PDE4D: variants seen among roughly 807,000 people sequenced by gnomAD.
The protein encoded by PDE4D is 3',5'-cyclic-AMP phosphodiesterase 4D.
Under a neutral mutation model 87.4 loss-of-function variants are expected in PDE4D, and 24 were observed. That is an observed-to-expected ratio of 0.27 (90% CI 0.20 to 0.39). The LOEUF (loss-of-function observed/expected upper bound fraction) is 0.39, where lower values mean the gene tolerates loss of function less well. Ranked by LOEUF, PDE4D falls within the 10% of genes least tolerant of loss-of-function variation. The pLI is 1.00. For missense variants in PDE4D, 714 were observed against 1,041.0 expected, an observed-to-expected ratio of 0.69 and a Z score of 4.32; for synonymous variants, 384 against 383.2, an observed-to-expected ratio of 1.00 and a Z score of -0.02.
intron 1 of PDE4D, among the ~76,000 whole-genome samples, chr5:59,694,386 T>G (rs1435228232): frequency 1.3e-5 from 2 of 152,196 alleles, no homozygotes; most frequent in African/African-American, 4.8e-5. Flanking sequence ...TGTCTGGCAC[T>G]GCGCAGTGAG....
intron 1 of PDE4D, among the ~76,000 whole-genome samples, chr5:59,347,529 C>A (rs766886999): frequency 2.6e-5 from 4 of 152,140 alleles, no homozygotes; most frequent in African/African-American, 9.7e-5. Context: ...TAGGCAGACA[C>A]AGACACATAT....
intron 3 of PDE4D, among the ~76,000 whole-genome samples, chr5:59,902,395 C>T (rs1199722397): frequency 6.6e-6 from 1 of 152,050 alleles, no homozygotes; most frequent in Non-Finnish European, 1.5e-5. Flanking sequence ...AATGTTCATG[C>T]ATAGATCTGT....
At chr5:60,332,691 A>G (rs1757409704) in intron 1 of PDE4D, among the ~76,000 whole-genome samples, 1 of 152,236 alleles carries the variant, frequency 6.6e-6, no homozygotes, top group African/African-American at 2.4e-5. Context: ...TCAAATTTAT[A>G]ACAACAGAAT....
At chr5:60,503,390 A>G (rs1233812546) in intron 1 of PDE4D, among the ~76,000 whole-genome samples, 1 of 152,066 alleles carries the variant, frequency 6.6e-6, no homozygotes, top group African/African-American at 2.4e-5. Flanking sequence ...TTAGCCAACA[A>G]CTGTTCCAAG....
At chr5:59,895,782 A>T (rs1476145581), upstream of PDE4D, among the ~76,000 whole-genome samples, 1 of 152,232 alleles carries the variant, frequency 6.6e-6, no homozygotes, top group Non-Finnish European at 1.5e-5. Context: ...CTAATTTCTC[A>T]TACACTAACA....
At chr5:59,734,291 C>T (rs1023714026) in intron 1 of PDE4D, among the ~76,000 whole-genome samples, 1 of 151,948 alleles carries the variant, frequency 6.6e-6, no homozygotes, top group Admixed American at 6.6e-5. Context: ...TTCACAGCAA[C>T]AGACTGAAAT....
chr5:59,270,870 C>T (rs1220980323), intron 1 of PDE4D, among the ~76,000 whole-genome samples: 2 of 152,134 alleles, frequency 1.3e-5, no homozygotes, highest in Non-Finnish European at 1.5e-5. Flanking sequence ...TGACCTTGCT[C>T]AAGTTATTTC....
At chr5:59,808,428 C>T (rs1767978233) in intron 1 of PDE4D, among the ~76,000 whole-genome samples, 1 of 152,116 alleles carries the variant, frequency 6.6e-6, no homozygotes, top group Admixed American at 6.5e-5. Flanking sequence ...AGTGTTTAAC[C>T]CAGAGCTCTT....
chr5:59,846,445 T>G (rs1346154585), intron 1 of PDE4D, among the ~76,000 whole-genome samples: 2 of 152,092 alleles, frequency 1.3e-5, no homozygotes, highest in East Asian at 3.9e-4. Flanking sequence ...TCCCAAGCCT[T>G]TCCGTAGAAA....
At chr5:59,964,890 G>A (rs1224919968) in intron 3 of PDE4D, among the ~76,000 whole-genome samples, 2 of 151,934 alleles carry the variant, frequency 1.3e-5, no homozygotes, top group Admixed American at 1.3e-4. Context: ...CTGGCTCCAT[G>A]GTATTGCTTA....
In PDE4D at chr5:60,104,690, T is replaced by G. The variant is rs192905794; in HGVS notation, c.42+80867A>C. On this transcript the variant is annotated intron_variant, in intron 2 of 16. Coordinates refer to the PDE4D transcript ENST00000502484. ...CTTCCAGAGGAACCATCAGACAGCA[T>G]CATTTGCGGTTCACGAAAATCCGCT... is the stretch of plus-strand genomic sequence containing the variant. 3.3e-5 allele frequency among the ~76,000 whole-genome samples: 5 copies of G among 152,236 alleles called. No homozygotes were observed. In the East Asian group the frequency reaches 9.6e-4, roughly 29 times the overall value.
intron 1 of PDE4D, among the ~76,000 whole-genome samples, chr5:59,765,197 T>C (rs113514793): frequency 9.8e-5 from 15 of 152,286 alleles, no homozygotes; most frequent in African/African-American, 3.6e-4. Context: ...CTTGGATCCA[T>C]GGATGATAGT....
At chr5:59,110,395 A>G (rs1772404525) in intron 5 of PDE4D, among the ~76,000 whole-genome samples, 1 of 152,174 alleles carries the variant, frequency 6.6e-6, no homozygotes, top group Non-Finnish European at 1.5e-5. Context: ...GTAACTCCTA[A>G]CCTCCAACTA....
intron 1 of PDE4D, among the ~76,000 whole-genome samples, chr5:59,434,522 T>C (rs1032884562): frequency 1.1e-4 from 16 of 152,096 alleles, no homozygotes; most frequent in African/African-American, 3.9e-4. Flanking sequence ...TCTCTACACT[T>C]ACTGGTCAAT....
chr5:58,974,630 T>TAA lies in PDE4D; in HGVS notation c.*32_*33dup, dbSNP rs10718401. 122 of 1,230,306 alleles carry TAA rather than the reference T, an allele frequency of 9.9e-5. No homozygotes were observed. The highest frequency in any genetic ancestry group is 3.1e-4 in the South Asian group (19 of 60,344). The allele number at this position is 1,230,306 out of a possible 1,614,324, so 76.2% of individuals were successfully genotyped here. On this transcript the variant is annotated 3_prime_UTR_variant, in exon 15 of 15. Transcript: ENST00000340635. Reference sequence around the variant, plus strand: ...GCACTTTGGAAACAATTTTTCTACTTAAAAAAAAAAAAGGCATGAAAGTTT... The same window carrying TAA: ...GCACTTTGGAAACAATTTTTCTACTTAAAAAAAAAAAAAAGGCATGAAAGTTT...
intron 3 of PDE4D, among the ~76,000 whole-genome samples, chr5:59,905,574 C>A (rs1190181410): frequency 1.3e-5 from 2 of 152,050 alleles, no homozygotes; most frequent in South Asian, 2.1e-4. Flanking sequence ...AGATGTGTAA[C>A]CACAGATGGG....
At chr5:59,358,912 G>A (rs938104844) in intron 1 of PDE4D, among the ~76,000 whole-genome samples, 1 of 152,114 alleles carries the variant, frequency 6.6e-6, no homozygotes, top group African/African-American at 2.4e-5. Context: ...TTATGTATAC[G>A]ACTTTGGAAG....
intron 1 of PDE4D, among the ~76,000 whole-genome samples, chr5:60,246,854 A>T (rs1297196415): frequency 3.3e-5 from 5 of 151,910 alleles, no homozygotes; most frequent in African/African-American, 1.2e-4. Context: ...ATCTTGTGAA[A>T]CTTGGTTGAA....
intron 1 of PDE4D, among the ~76,000 whole-genome samples, chr5:60,373,300 C>T (rs188121542): frequency 3.9e-5 from 6 of 152,336 alleles, no homozygotes; most frequent in Admixed American, 6.5e-5. Flanking sequence ...CATTTCCTCA[C>T]GGCAACAATC....
Sources: allele counts gnomAD v4.1 joint callset (sites outside exome capture counted in the v4.1 genomes callset), GRCh38; gene constraint gnomAD v4.1.1; transcripts MANE v1.5; gene names NCBI Gene and HGNC (gene_info 2026-07-23, HGNC 2026-07-21).